ROBO2: variants seen among roughly 807,000 people sequenced by gnomAD.
The protein encoded by ROBO2 is roundabout guidance receptor 2.
A neutral mutation model predicts 160.8 loss-of-function variants in ROBO2; 53 were observed. The observed-to-expected ratio is 0.33, with a 90% CI of 0.26 to 0.41. The LOEUF (loss-of-function observed/expected upper bound fraction) is 0.41. Ranked by LOEUF, ROBO2 falls within the 10% of genes least tolerant of loss-of-function variation. The pLI is 1.00. For missense variants in ROBO2, 1,577 were observed against 1,722.4 expected (o/e 0.92, Z 1.49); for synonymous variants, 664 against 611.7 (o/e 1.09, Z -1.26).
intron 21 of ROBO2, among the ~76,000 whole-genome samples, chr3:77,611,154 T>A (rs9812282): frequency 6.6e-6 from 1 of 151,868 alleles, no homozygotes; most frequent in South Asian, 2.1e-4. Flanking sequence ...AAAAATTAGC[T>A]GGGCGAGGTG....
chr3:77,445,220 G>A (rs2080347553), intron 2 of ROBO2, among the ~76,000 whole-genome samples: 1 of 152,158 alleles, frequency 6.6e-6, no homozygotes, highest in Non-Finnish European at 1.5e-5. Flanking sequence ...TACGCTACTA[G>A]TGGAAAGATA....
At chr3:76,756,274 A>G (rs189370628) in intron 2 of ROBO2, among the ~76,000 whole-genome samples, 7 of 152,078 alleles carry the variant, frequency 4.6e-5, no homozygotes, top group East Asian at 2.0e-4. Flanking sequence ...ATGGAAAAAT[A>G]GTTATAAAAT....
intron 2 of ROBO2, among the ~76,000 whole-genome samples, chr3:76,979,862 G>C (rs558160875): frequency 1.3e-5 from 2 of 151,778 alleles, no homozygotes; most frequent in South Asian, 4.2e-4. Flanking sequence ...AACAATTTGA[G>C]GAGATTCCTG....
At chr3:76,698,708 T>C (rs952634994) in intron 2 of ROBO2, among the ~76,000 whole-genome samples, 1 of 152,338 alleles carries the variant, frequency 6.6e-6, no homozygotes, top group East Asian at 1.9e-4. Context: ...TCTGGAATAC[T>C]TGTGTGGAGA....
At chr3:77,497,241 T>C (rs886853307) in intron 5 of ROBO2, among the ~76,000 whole-genome samples, 1 of 152,110 alleles carries the variant, frequency 6.6e-6, no homozygotes, top group African/African-American at 2.4e-5. Context: ...CCAATACTGT[T>C]TTCTAGAAGA....
intron 2 of ROBO2, among the ~76,000 whole-genome samples, chr3:77,473,607 C>T (rs1384476043): frequency 6.6e-6 from 1 of 151,858 alleles, no homozygotes; most frequent in African/African-American, 2.4e-5. Flanking sequence ...GCACCCGCCA[C>T]TGCGCCAGGC....
At chr3:77,398,041 C>T (rs1032088530) in intron 2 of ROBO2, among the ~76,000 whole-genome samples, 2 of 151,994 alleles carry the variant, frequency 1.3e-5, no homozygotes, top group Non-Finnish European at 1.5e-5. Context: ...TAATATAACA[C>T]AGAGAACATT....
chr3:76,075,684 AATCTG>A (rs1444005253), intron 2 of ROBO2, among the ~76,000 whole-genome samples: 1 of 152,196 alleles, frequency 6.6e-6, no homozygotes, highest in Non-Finnish European at 1.5e-5. Context: ...GAGCATCTAA[AATCTG>A]ATGACATCTC....
intron 2 of ROBO2, among the ~76,000 whole-genome samples, chr3:76,530,449 A>G (rs2082165100): frequency 6.6e-6 from 1 of 152,186 alleles, no homozygotes. Context: ...TCTCCAGCTC[A>G]GAACAGAAAA....
At chr3:77,339,991 C>T (rs1345764866) in intron 2 of ROBO2, among the ~76,000 whole-genome samples, 1 of 152,072 alleles carries the variant, frequency 6.6e-6, no homozygotes, top group African/African-American at 2.4e-5. Context: ...TTTCCATAAA[C>T]ATATCTGAAT....
intron 2 of ROBO2, among the ~76,000 whole-genome samples, chr3:77,238,326 C>G (rs1469471509): frequency 6.6e-6 from 1 of 152,210 alleles, no homozygotes; most frequent in South Asian, 2.1e-4. Flanking sequence ...TCTAGATTTT[C>G]TCTTGTGCCG....
intron 6 of ROBO2, among the ~76,000 whole-genome samples, chr3:77,545,677 G>A (rs895168717): frequency 6.6e-6 from 1 of 152,042 alleles, no homozygotes; most frequent in East Asian, 1.9e-4. Flanking sequence ...CCCAGTAGGG[G>A]AACATAGTAA....
chr3:75,927,982 T>TCC (rs1947356298), intron 1 of ROBO2, among the ~76,000 whole-genome samples: 2 of 98,404 alleles, frequency 2.0e-5, no homozygotes, highest in Non-Finnish European at 4.1e-5. Context: ...CTCTCTTTTT[T>TCC]TTTTTTTTTT....
At chr3:77,261,331 C>G (rs1205055093) in intron 2 of ROBO2, among the ~76,000 whole-genome samples, 1 of 152,046 alleles carries the variant, frequency 6.6e-6, no homozygotes, top group Non-Finnish European at 1.5e-5. Context: ...CAATTAGGTC[C>G]AAGGGAAGGG....
At chr3:76,314,228 A>G (rs769902673) in intron 2 of ROBO2, among the ~76,000 whole-genome samples, 4 of 152,164 alleles carry the variant, frequency 2.6e-5, no homozygotes, top group African/African-American at 4.8e-5. Flanking sequence ...AAGAGTTTGC[A>G]TTTATGATAA....
chr3:76,066,207 A>G (rs2068248792), intron 2 of ROBO2, among the ~76,000 whole-genome samples: 1 of 152,138 alleles, frequency 6.6e-6, no homozygotes, highest in Admixed American at 6.5e-5. Flanking sequence ...ATCACACAAT[A>G]AATAGCATGA....
chr3:76,995,128 TG>T (rs2060919853), intron 2 of ROBO2, among the ~76,000 whole-genome samples: 1 of 123,418 alleles, frequency 8.1e-6, no homozygotes, highest in South Asian at 3.0e-4. Context: ...GGCCCCAGTG[TG>T]TGATGTCCCC....
At chr3:77,460,677 T>C (rs1397238307) in intron 2 of ROBO2, among the ~76,000 whole-genome samples, 2 of 152,180 alleles carry the variant, frequency 1.3e-5, no homozygotes, top group Non-Finnish European at 2.9e-5. Flanking sequence ...GTGGTAATGA[T>C]TTCATTATGT....
chr3:76,481,867 C>A (rs1465046196), intron 2 of ROBO2, among the ~76,000 whole-genome samples: 2 of 151,980 alleles, frequency 1.3e-5, no homozygotes, highest in African/African-American at 2.4e-5. Flanking sequence ...TGAAGATCTC[C>A]CCAAAAGTGG....
Sources: gnomAD v4.1 joint callset for allele counts (sites outside exome capture counted in the v4.1 genomes callset) on GRCh38, gnomAD v4.1.1 for gene constraint, MANE v1.5 for transcripts, NCBI Gene and HGNC (gene_info 2026-07-23, HGNC 2026-07-21) for gene names.